Variants in ATP2C2 observed in about 807,000 individuals in gnomAD.
The protein encoded by ATP2C2 is ATPase secretory pathway Ca2+ transporting 2, also known as calcium-transporting ATPase type 2C member 2.
A neutral mutation model predicts 110.8 loss-of-function variants in ATP2C2; 171 were observed. The observed-to-expected ratio is 1.54, with a 90% CI of 1.36 to 1.75. The LOEUF (loss-of-function observed/expected upper bound fraction) is 1.75. ATP2C2 is among the 40% of genes most tolerant of loss of function. ATP2C2 has a pLI of 0.00. For synonymous variants in ATP2C2, 804 were observed against 508.4 expected (o/e 1.58, Z -7.82); for missense variants, 1,963 against 1,235.0 (o/e 1.59, Z -8.84).
chr16:84,403,034 T>C (rs971190142), intron 2 of ATP2C2, among the ~76,000 whole-genome samples: 2 of 152,202 alleles, frequency 1.3e-5, no homozygotes, highest in Admixed American at 6.5e-5. Flanking sequence ...TCTAGGAATT[T>C]ATCCATTTCT....
At chr16:84,416,169 C>G (rs1433813361) in intron 7 of ATP2C2, among the ~76,000 whole-genome samples, 1 of 152,144 alleles carries the variant, frequency 6.6e-6, no homozygotes, top group African/African-American at 2.4e-5. Context: ...GCGAGAAGCA[C>G]ACGCTTTTAG....
intron 1 of ATP2C2, among the ~76,000 whole-genome samples, chr16:84,378,321 C>T (rs1910369589): frequency 6.6e-6 from 1 of 152,132 alleles, no homozygotes; most frequent in Admixed American, 6.5e-5. Flanking sequence ...AGACAGGGCC[C>T]CTCCGTCGCC....
At chr16:84,455,072 G>C in intron 21 of ATP2C2, 88 bp downstream of exon 21, 2 of 1,524,798 alleles carry the variant, frequency 1.3e-6, no homozygotes, top group Non-Finnish European at 1.8e-6. Context: ...GGAGATAGAG[G>C]GGGGGGTCTC....
intron 23 of ATP2C2, 153 bp downstream of exon 23, chr16:84,459,539 A>C (rs981308854): frequency 6.5e-7 from 1 of 1,541,042 alleles, no homozygotes. Context: ...GTTGCACTGC[A>C]GTGAGACTGG....
chr16:84,371,322 G>A (rs1243837539), intron 1 of ATP2C2, among the ~76,000 whole-genome samples: 5 of 152,164 alleles, frequency 3.3e-5, no homozygotes, highest in African/African-American at 1.2e-4. Context: ...TTCAAGATCA[G>A]CCTGGGCAAC....
chr16:84,462,817 C>T (rs902624013), intron 26 of ATP2C2: 1 of 152,852 alleles, frequency 6.5e-6, no homozygotes, highest in Non-Finnish European at 1.5e-5. Flanking sequence ...CCCCATGGGC[C>T]CACCGCCTCC....
At chr16:84,458,714 C>T (rs947449299) in intron 21 of ATP2C2, among the ~76,000 whole-genome samples, 16 of 152,334 alleles carry the variant, frequency 1.1e-4, no homozygotes, top group South Asian at 2.1e-4. Flanking sequence ...CCCTCCTTAC[C>T]GTCCTCCGGA....
intron 1 of ATP2C2, among the ~76,000 whole-genome samples, chr16:84,370,103 G>C (rs1223984525): frequency 6.6e-6 from 1 of 152,020 alleles, no homozygotes. Context: ...TGTGTAGTTG[G>C]TTACCATCAG....
rs1262011459 is a variant in ATP2C2 at position 84,393,650 on chromosome 16, A to T, written c.100-4849A>T. 2.0e-5 allele frequency among the ~76,000 whole-genome samples: 3 copies of T among 151,786 alleles called. No individual in the cohort carries two copies. In the East Asian group the frequency reaches 5.8e-4, roughly 29 times the overall value. On this transcript the variant is annotated intron_variant, in intron 1 of 26. Coordinates refer to ENST00000262429, the MANE Select transcript of ATP2C2 (RefSeq NM_014861.4). ...GGCCCAGAAAAGAGGTTATGTTTAAAGTGGAAACCCATGCTGAGATGTTTA... is the reference window on the plus strand; with the variant it reads ...GGCCCAGAAAAGAGGTTATGTTTAATGTGGAAACCCATGCTGAGATGTTTA...
intron 7 of ATP2C2, 107 bp downstream of exon 7, chr16:84,415,698 C>G (rs759387121): frequency 2.3e-6 from 2 of 855,866 alleles, no homozygotes; most frequent in Admixed American, 2.7e-5. Flanking sequence ...CACACATGCT[C>G]AAACATACAT....
intron 11 of ATP2C2, among the ~76,000 whole-genome samples, chr16:84,435,838 TAAA>T (rs1567722505): frequency 6.0e-5 from 7 of 117,470 alleles, no homozygotes; most frequent in Non-Finnish European, 9.2e-5. Context: ...AAAAAAAAAA[TAAA>T]AAACAGGCAA....
Position 84,442,460 on chromosome 16 carries a change from T to G in ATP2C2, c.1312-50T>G, listed in dbSNP as rs371448481. ...TGGGACAGGCCCACAATGTCTAACT[T>G]TTTCATGAGCCCAGTACTAACTACA... On this transcript the variant is annotated intron_variant, in intron 14 of 26. Transcript: ENST00000262429. 7 of 1,583,140 alleles carry G rather than the reference T, an allele frequency of 4.4e-6. No individual in the cohort carries two copies. The Middle Eastern group carries it at 5.0e-4, about 113-fold the overall frequency.
At chr16:84,375,564 A>G (rs1348405146) in intron 1 of ATP2C2, among the ~76,000 whole-genome samples, 1 of 151,992 alleles carries the variant, frequency 6.6e-6, no homozygotes, top group Non-Finnish European at 1.5e-5. Flanking sequence ...AAAGAAAGAA[A>G]GAAAAATGTC....
intron 4 of ATP2C2, 76 bp downstream of exon 4, chr16:84,408,570 A>G (rs1905991633): frequency 8.6e-7 from 1 of 1,168,640 alleles, no homozygotes; most frequent in Non-Finnish European, 1.2e-6. Flanking sequence ...TATTGTATAT[A>G]AAGAAAAAAA....
At position 84,453,454 on chromosome 16, in the gene ATP2C2, G is replaced by A. The variant is rs144145759; in HGVS notation, c.1980+83G>A. 2.7e-4 allele frequency: 415 copies of A among 1,560,024 alleles called. 3 individuals are homozygous for A. The East Asian group carries it at 6.7e-3, about 25-fold the overall frequency. On this transcript the variant is annotated intron_variant, in intron 20 of 26. Coordinates refer to ENST00000262429, the MANE Select transcript of ATP2C2 (RefSeq NM_014861.4). ...GGCTCGAGGAGCTCATGCGTCCGTC[G>A]GGTGACAGTGCAGGGCCCGACCGTG...
At chr16:84,415,323 T>C (rs536016683) in intron 6 of ATP2C2, among the ~76,000 whole-genome samples, 160 bp from the exon 7 acceptor site, 20 of 152,292 alleles carry the variant, frequency 1.3e-4, no homozygotes, top group Non-Finnish European at 7.3e-5. Context: ...TAAAGTCTTA[T>C]AGGATATGTT....
Position 84,370,243 on chromosome 16 carries a change from G to A in ATP2C2, c.99+1529G>A, listed in dbSNP as rs77745791. Among the ~76,000 whole-genome samples the A allele has an allele frequency of 9.1e-3, 1,388 of 152,322 alleles. 8 individuals carry two copies. The highest frequency in any genetic ancestry group is 0.013 in the Non-Finnish European group (895 of 68,026). On this transcript the variant is annotated intron_variant, in intron 1 of 26. Transcript: ENST00000262429. Reference sequence around the variant, plus strand: ...TTTGCAGGAGAGTTCTCAGAGGTCTGACAGGTGTTCAGCCGGTCTGTCAGT... The same window carrying A: ...TTTGCAGGAGAGTTCTCAGAGGTCTAACAGGTGTTCAGCCGGTCTGTCAGT...
Position 84,425,273 on chromosome 16 carries a change from A to G in ATP2C2, c.920-462A>G, listed in dbSNP as rs1907709352. ...GTGCAGTAACTGGTGTGCAGTACGT[A>G]TTTGGTAAATTATTAATGAAGGAAA... On this transcript the variant is annotated intron_variant, in intron 10 of 26. Coordinates refer to ENST00000262429, the MANE Select transcript of ATP2C2 (RefSeq NM_014861.4). Among the ~76,000 whole-genome samples, 3 of 152,264 alleles carry G rather than the reference A, an allele frequency of 2.0e-5. No individual in the cohort carries two copies. The South Asian group carries it at 6.2e-4, about 32-fold the overall frequency.
At position 84,418,716 on chromosome 16, in the gene ATP2C2, G is replaced by C. The variant is rs550947575; in HGVS notation, c.624+3125G>C. Among the ~76,000 whole-genome samples, 291 of 152,288 alleles carry C rather than the reference G, an allele frequency of 1.9e-3. 1 individual carries two copies. The highest frequency in any genetic ancestry group is 3.5e-3 in the Non-Finnish European group (240 of 68,020). ...TCCGCAGCCCATGTCCTTACCCCCAGGACGTTCTCTCTCTCCCTGTGAGCA... is the reference window on the plus strand; with the variant it reads ...TCCGCAGCCCATGTCCTTACCCCCACGACGTTCTCTCTCTCCCTGTGAGCA... On this transcript the variant is annotated intron_variant, in intron 7 of 26. Transcript: ENST00000262429.
Sources: gnomAD v4.1 joint callset for allele counts (sites outside exome capture counted in the v4.1 genomes callset) on GRCh38, gnomAD v4.1.1 for gene constraint, MANE v1.5 for transcripts, NCBI Gene and HGNC (gene_info 2026-07-23, HGNC 2026-07-21) for gene names.